ASAP1: variants seen among roughly 807,000 people sequenced by gnomAD.
ASAP1 encodes arf-GAP with SH3 domain, ANK repeat and PH domain-containing protein 1.
Under a neutral mutation model 145.2 loss-of-function variants are expected in ASAP1, and 43 were observed. That is an observed-to-expected ratio of 0.30 (90% confidence interval 0.23 to 0.38). The LOEUF (loss-of-function observed/expected upper bound fraction) is 0.38, where lower values mean the gene tolerates loss of function less well. Ranked by LOEUF, ASAP1 falls within the 10% of genes least tolerant of loss-of-function variation. The probability of loss-of-function intolerance (pLI) is 1.00; values close to 1 mark genes in which losing one functional copy is unlikely to be tolerated. For missense variants in ASAP1, 1,018 were observed against 1,355.3 expected, an observed-to-expected ratio of 0.75 and a Z score of 3.91; for synonymous variants, 546 against 515.5, an observed-to-expected ratio of 1.06 and a Z score of -0.80.
chr8:130,071,045 A>G (rs1424640694), intron 27 of ASAP1, among the ~76,000 whole-genome samples: 2 of 133,788 alleles, frequency 1.5e-5, no homozygotes, highest in African/African-American at 5.8e-5. Flanking sequence ...AGAGAGAGAG[A>G]GAAAGCAGAG....
chr8:130,168,532 G>C (rs1003086825), intron 10 of ASAP1, among the ~76,000 whole-genome samples: 3 of 152,180 alleles, frequency 2.0e-5, no homozygotes, highest in African/African-American at 4.8e-5. Context: ...GGACATTGCA[G>C]TGAGCCAAGA....
At chr8:130,146,637 T>C (rs575793235) in intron 13 of ASAP1, among the ~76,000 whole-genome samples, 14 of 152,302 alleles carry the variant, frequency 9.2e-5, no homozygotes, top group African/African-American at 3.1e-4. Context: ...GAGCAATCCA[T>C]TTTGCAGGTC....
At position 130,057,789 on chromosome 8, in the gene ASAP1, T is replaced by C. The variant is rs542574955; in HGVS notation, c.3315+165A>G. 6.6e-5 allele frequency among the ~76,000 whole-genome samples: 10 copies of C among 152,264 alleles called. No homozygotes were observed. The East Asian group carries it at 1.9e-3, about 29-fold the overall frequency. On this transcript the variant is annotated intron_variant, in intron 29 of 29. Transcript: ENST00000518721. ...TTCTAGCATGTAATAGTGTGTGACA[T>C]AGAAAAGACACCAAATGCAATGGCT... is the stretch of plus-strand genomic sequence containing the variant.
intron 3 of ASAP1, among the ~76,000 whole-genome samples, chr8:130,295,475 T>G (rs1013556991): frequency 6.6e-6 from 1 of 152,170 alleles, no homozygotes; most frequent in Non-Finnish European, 1.5e-5. Flanking sequence ...ACAAAAATCC[T>G]TCACTTCACT....
chr8:130,318,373 T>C (rs968572166), intron 3 of ASAP1, among the ~76,000 whole-genome samples: 1 of 152,200 alleles, frequency 6.6e-6, no homozygotes, highest in Non-Finnish European at 1.5e-5. Context: ...TTAGCCACCA[T>C]ACCCAGCCCA....
rs536860674 is a variant in ASAP1 at position 130,215,520 on chromosome 8, G to A, written c.260-819C>T. Among the ~76,000 whole-genome samples the A allele has an allele frequency of 7.2e-5, 11 of 152,160 alleles. No homozygotes were observed. The South Asian group carries it at 1.5e-3, about 20-fold the overall frequency. On this transcript the variant is annotated intron_variant, in intron 4 of 29. Transcript: ENST00000518721. ...GCACTTTGGGAGGCCAAGGCGGGCCGATCACGAGGTCAGGAGATCGAGACC... is the reference window on the plus strand; with the variant it reads ...GCACTTTGGGAGGCCAAGGCGGGCCAATCACGAGGTCAGGAGATCGAGACC...
At chr8:130,188,739 A>AAAAAAAAG (rs1554842792) in intron 5 of ASAP1, among the ~76,000 whole-genome samples, 70 of 150,502 alleles carry the variant, frequency 4.7e-4, no homozygotes, top group African/African-American at 1.3e-3. Context: ...AAAAAAAAAA[A>AAAAAAAAG]AAAAAAGAAA....
At chr8:130,389,411 C>T (rs974457502) in intron 2 of ASAP1, among the ~76,000 whole-genome samples, 3 of 152,222 alleles carry the variant, frequency 2.0e-5, no homozygotes, top group African/African-American at 7.2e-5. Context: ...TCTGCTTCAA[C>T]CTGCATTTCC....
intron 3 of ASAP1, among the ~76,000 whole-genome samples, chr8:130,355,950 G>C (rs184316816): frequency 6.6e-6 from 1 of 152,170 alleles, no homozygotes; most frequent in Admixed American, 6.5e-5. Flanking sequence ...ATATTTTTGA[G>C]AACATGGGTA....
rs562782311 is a variant in ASAP1 at position 130,133,950 on chromosome 8, C to T, written c.1217+346G>A. 1.2e-4 allele frequency among the ~76,000 whole-genome samples: 18 copies of T among 152,302 alleles called. No individual in the cohort carries two copies. The South Asian group carries it at 2.7e-3, about 23-fold the overall frequency. On this transcript the variant is annotated intron_variant, in intron 15 of 29. Transcript: ENST00000518721. ...ATGTGATTAAAAGATGCATAAGGCA[C>T]GGTCCTTGCCCTCGAAAAGCTCTTG...
intron 1 of ASAP1, among the ~76,000 whole-genome samples, chr8:130,410,328 C>T (rs1829210835): frequency 1.3e-5 from 2 of 152,220 alleles, no homozygotes; most frequent in Admixed American, 1.3e-4. Flanking sequence ...TAAAAAGTTA[C>T]ATCCTAAGAA....
At chr8:130,442,449 A>G (rs1043170315) in intron 1 of ASAP1, among the ~76,000 whole-genome samples, 3 of 152,168 alleles carry the variant, frequency 2.0e-5, no homozygotes, top group Non-Finnish European at 2.9e-5. Context: ...CCGCGCTACA[A>G]TTGCAAAACA....
At chr8:130,146,016 G>GTTTTTTT (rs376317332) in intron 13 of ASAP1, among the ~76,000 whole-genome samples, 1 of 123,676 alleles carries the variant, frequency 8.1e-6, no homozygotes, top group African/African-American at 3.0e-5. Context: ...TAAGTTTTGT[G>GTTTTTTT]TTTTTTTTTT....
chr8:130,428,487 TCATCAC>T (rs1349461544), intron 1 of ASAP1, among the ~76,000 whole-genome samples: 7 of 137,088 alleles, frequency 5.1e-5, no homozygotes, highest in Non-Finnish European at 6.2e-5. Flanking sequence ...ACCACCATCT[TCATCAC>T]CATCACCATC....
At chr8:130,096,469 C>A (rs144957824) in intron 24 of ASAP1, among the ~76,000 whole-genome samples, 1 of 152,124 alleles carries the variant, frequency 6.6e-6, no homozygotes. Context: ...CTGCCAGAGG[C>A]CTGTGGAAGT....
At chr8:130,254,066 A>G (rs1169333761) in intron 3 of ASAP1, among the ~76,000 whole-genome samples, 1 of 152,188 alleles carries the variant, frequency 6.6e-6, no homozygotes, top group Non-Finnish European at 1.5e-5. Flanking sequence ...CTATACATAC[A>G]GAATAATTCA....
At chr8:130,202,496 G>A (rs909344553) in intron 5 of ASAP1, among the ~76,000 whole-genome samples, 2 of 152,178 alleles carry the variant, frequency 1.3e-5, no homozygotes, top group South Asian at 2.1e-4. Context: ...ACACTTCATA[G>A]GAAGTTTCTT....
chr8:130,125,101 C>T (rs2097572875), intron 17 of ASAP1, among the ~76,000 whole-genome samples: 1 of 152,164 alleles, frequency 6.6e-6, no homozygotes, highest in South Asian at 2.1e-4. Context: ...GCTAGACTTT[C>T]AGCTTTTTTT....
intron 1 of ASAP1, among the ~76,000 whole-genome samples, chr8:130,441,965 A>C (rs1830502263): frequency 6.6e-6 from 1 of 152,140 alleles, no homozygotes; most frequent in South Asian, 2.1e-4. Flanking sequence ...GGGAGTTTCT[A>C]TTTTGCACAA....
Sources: gnomAD v4.1 joint callset for allele counts (sites outside exome capture counted in the v4.1 genomes callset) on GRCh38, gnomAD v4.1.1 for gene constraint, MANE v1.5 for transcripts, NCBI Gene and HGNC (gene_info 2026-07-23, HGNC 2026-07-21) for gene names.